The following CPS1 variants were observed in gnomAD, a reference collection of about 807,000 sequenced individuals.
The protein encoded by CPS1 is carbamoyl-phosphate synthase 1, also known as carbamoyl-phosphate synthase [ammonia], mitochondrial.
Under a neutral mutation model 174.6 loss-of-function variants are expected in CPS1, and 109 were observed. The ratio of observed to expected loss-of-function variants is 0.62; its 90% CI spans 0.53 to 0.73. The LOEUF (loss-of-function observed/expected upper bound fraction) is 0.73, where lower values mean the gene tolerates loss of function less well. Among genes scored for constraint, CPS1 ranks in the 30% least tolerant of loss-of-function variants. The pLI is 0.00. For synonymous variants in CPS1, 637 were observed against 632.0 expected, an observed-to-expected ratio of 1.01 and a Z score of -0.12; for missense variants, 1,689 against 1,821.9, an observed-to-expected ratio of 0.93 and a Z score of 1.33.
At chr2:210,587,962 A>C in intron 6 of CPS1, 96 bp from the exon 7 acceptor site, 1 of 1,069,836 alleles carries the variant, frequency 9.3e-7, no homozygotes, top group Non-Finnish European at 1.5e-6. Flanking sequence ...ATCTGTTACC[A>C]ATCTAAGTTC....
Position 210,592,965 on chromosome 2 carries a change from A to G in CPS1, c.1164+9A>G, listed in dbSNP as rs2106113341. The G allele has an allele frequency of 1.2e-6, 2 of 1,610,238 alleles. No homozygotes were observed. The highest frequency in any genetic ancestry group is 1.1e-5 in the South Asian group (1 of 91,002). Reference sequence around the variant, plus strand: ...GGCCAATAGACACTGAGGTACGTCAAAAAGATGAGGCCTATTATGTATGCA... The same window carrying G: ...GGCCAATAGACACTGAGGTACGTCAGAAAGATGAGGCCTATTATGTATGCA... On this transcript the variant is annotated intron_variant, in intron 11 of 37. Transcript: ENST00000233072.
rs879265739 is a variant in CPS1, at chr2:210,478,928, T to TCC, written c.3+1167_3+1168dup. Among the ~76,000 whole-genome samples the TCC allele has an allele frequency of 1.2e-4, 9 of 75,208 alleles. No individual in the cohort carries two copies. The Admixed American group carries it at 1.2e-3, about 10-fold the overall frequency. The allele number at this position is 75,208 out of a possible 152,430, so 49.3% of individuals were successfully genotyped here. On this transcript the variant is annotated intron_variant, in intron 1 of 38. Transcript: ENST00000430249. ...CCCTCCCTCCTCCCCCCTCCCCCCT[T>TCC]CCCCCCTCCCTTCCCTCCCTCCCTC... is the stretch of plus-strand genomic sequence containing the variant.
intron 1 of CPS1, among the ~76,000 whole-genome samples, chr2:210,524,176 C>T (rs746875218): frequency 8.6e-5 from 13 of 151,980 alleles, no homozygotes; most frequent in Non-Finnish European, 1.2e-4. Context: ...CTGGAGCCCT[C>T]TTATGGGTCT....
intron 12 of CPS1, among the ~76,000 whole-genome samples, chr2:210,594,866 G>A (rs1253435130): frequency 1.3e-5 from 2 of 151,832 alleles, no homozygotes; most frequent in Admixed American, 1.3e-4. Context: ...ACAAAGAATA[G>A]TGTTTAGTTT....
chr2:210,525,892 C>A (rs1695960431), intron 1 of CPS1, among the ~76,000 whole-genome samples: 1 of 150,866 alleles, frequency 6.6e-6, no homozygotes, highest in African/African-American at 2.4e-5. Flanking sequence ...AGGACAAGGA[C>A]AAGGTTGGGA....
intron 35 of CPS1, 73 bp downstream of exon 35, chr2:210,675,034 T>C: frequency 8.0e-7 from 1 of 1,251,354 alleles, no homozygotes; most frequent in Non-Finnish European, 1.2e-6. Flanking sequence ...TGCAGAATAT[T>C]GGAAAAGAAA....
chr2:210,496,120 G>A (rs1448164431), intron 1 of CPS1, among the ~76,000 whole-genome samples: 2 of 152,052 alleles, frequency 1.3e-5, no homozygotes, highest in East Asian at 3.9e-4. Flanking sequence ...GAATTTCTTG[G>A]ACTTGCACCT....
At chr2:210,556,955 T>C (rs1696932454) in intron 1 of CPS1, 96 bp downstream of exon 1, 1 of 1,392,102 alleles carries the variant, frequency 7.2e-7, no homozygotes, top group Non-Finnish European at 1.0e-6. Context: ...CAGTTTTGAA[T>C]GTAGCTCTGA....
chr2:210,504,329 C>G (rs77459694), intron 1 of CPS1, among the ~76,000 whole-genome samples: 1 of 152,168 alleles, frequency 6.6e-6, no homozygotes, highest in Non-Finnish European at 1.5e-5. Flanking sequence ...AAATAAACCA[C>G]CACAAATGCA....
chr2:210,661,893 G>T (rs942799172), intron 32 of CPS1, among the ~76,000 whole-genome samples: 1 of 149,180 alleles, frequency 6.7e-6, no homozygotes, highest in Non-Finnish European at 1.5e-5. Context: ...AATATTGATG[G>T]ATAGATATGC....
At chr2:210,535,110 C>T (rs1375766950) in intron 1 of CPS1, among the ~76,000 whole-genome samples, 2 of 152,168 alleles carry the variant, frequency 1.3e-5, no homozygotes, top group Non-Finnish European at 2.9e-5. Flanking sequence ...AGGGGATGCT[C>T]AAGAACTCAT....
chr2:210,667,625 A>G (rs2105932209), intron 33 of CPS1, among the ~76,000 whole-genome samples: 2 of 152,296 alleles, frequency 1.3e-5, no homozygotes, highest in Middle Eastern at 3.4e-3. Context: ...TGATGTTTTT[A>G]AAAAACAGGT....
intron 32 of CPS1, 57 bp downstream of exon 32, chr2:210,660,712 C>A: frequency 1.3e-6 from 2 of 1,508,326 alleles, no homozygotes; most frequent in South Asian, 1.1e-5. Flanking sequence ...ATTAAAAGAA[C>A]AATTTGTCAT....
At chr2:210,545,076 G>T (rs10932342) in intron 1 of CPS1, among the ~76,000 whole-genome samples, 70,245 of 151,810 alleles carry the variant, frequency 0.46, 16,895 homozygotes, top group African/African-American at 0.58. Flanking sequence ...AGTATCAAGG[G>T]AGTGGAGTAG....
intron 1 of CPS1, among the ~76,000 whole-genome samples, chr2:210,496,005 T>C (rs560049986): frequency 6.6e-6 from 1 of 152,104 alleles, no homozygotes; most frequent in Non-Finnish European, 1.5e-5. Flanking sequence ...TCTTCCTTCC[T>C]TGCTGCAAAA....
intron 33 of CPS1, among the ~76,000 whole-genome samples, chr2:210,667,236 G>A (rs1028855105): frequency 2.6e-5 from 4 of 152,206 alleles, no homozygotes; most frequent in South Asian, 2.1e-4. Flanking sequence ...GGCTGAGACA[G>A]TGGGGTTTTC....
chr2:210,537,204 G>A (rs766500660), intron 1 of CPS1, among the ~76,000 whole-genome samples: 5 of 152,288 alleles, frequency 3.3e-5, no homozygotes. Context: ...ACAGCACATT[G>A]CTAAGGGTTA....
At chr2:210,637,554 T>C in intron 21 of CPS1, 148 bp from the exon 22 acceptor site, 3 of 817,178 alleles carry the variant, frequency 3.7e-6, no homozygotes, top group Non-Finnish European at 6.1e-6. Context: ...AGTGGGTTAG[T>C]TATTTGTGTA....
In CPS1 at chr2:210,510,402, T is replaced by C. The variant is rs1470784210; in HGVS notation, c.3+32636T>C. 5.9e-5 allele frequency among the ~76,000 whole-genome samples: 9 copies of C among 152,278 alleles called. 1 individual carries two copies. The Middle Eastern group carries it at 0.027, about 460-fold the overall frequency. ...TCAAGATGGATTAAAGATTTAAATGTTAGACCTAAAACCATAAAAACCCTA... is the reference window on the plus strand; with the variant it reads ...TCAAGATGGATTAAAGATTTAAATGCTAGACCTAAAACCATAAAAACCCTA... On this transcript the variant is annotated intron_variant, in intron 1 of 38. Coordinates refer to the CPS1 transcript ENST00000430249.
Sources: gnomAD v4.1 joint callset for allele counts (sites outside exome capture counted in the v4.1 genomes callset) on GRCh38, gnomAD v4.1.1 for gene constraint, MANE v1.5 for transcripts, NCBI Gene and HGNC (gene_info 2026-07-23, HGNC 2026-07-21) for gene names.